MSRA: variants seen among roughly 807,000 people sequenced by gnomAD.
MSRA encodes the protein mitochondrial peptide methionine sulfoxide reductase.
Under a neutral mutation model 31.3 loss-of-function variants are expected in MSRA, and 54 were observed. The ratio of observed to expected loss-of-function variants is 1.73; its 90% CI spans 1.39 to 2.17. The LOEUF is 2.17. MSRA is among the 30% of genes most tolerant of loss of function. The pLI is 0.00. For missense variants in MSRA, 507 were observed against 300.9 expected (o/e 1.69, Z -5.07); for synonymous variants, 169 against 116.5 (o/e 1.45, Z -2.90).
intron 5 of MSRA, among the ~76,000 whole-genome samples, chr8:10,410,838 A>G (rs1208651887): frequency 1.3e-5 from 2 of 152,206 alleles, no homozygotes; most frequent in East Asian, 3.9e-4. Context: ...TTATATGCAA[A>G]TTTAAATTGT....
chr8:10,353,234 A>T (rs550283696), intron 5 of MSRA, among the ~76,000 whole-genome samples: 16 of 152,356 alleles, frequency 1.1e-4, no homozygotes, highest in African/African-American at 3.8e-4. Flanking sequence ...GCCTTCTGCA[A>T]ATAACCAATT....
In MSRA at chr8:10,105,894, A is replaced by G. The variant is rs183133750; in HGVS notation, c.142+51236A>G. On this transcript the variant is annotated intron_variant, in intron 1 of 5. Transcript: ENST00000317173. ...TTTGCAAAACAAAAGAACACACAGA[A>G]GATATAGAAACCAGGAGGACCAGGC... Among the ~76,000 whole-genome samples the G allele has an allele frequency of 8.2e-4, 125 of 152,352 alleles. 1 individual carries two copies. Among genetic ancestry groups the G allele is most frequent in the Admixed American group, 7.5e-3 (114 of 15,302 alleles).
At chr8:10,170,748 T>C (rs1219249223) in intron 1 of MSRA, among the ~76,000 whole-genome samples, 2 of 152,192 alleles carry the variant, frequency 1.3e-5, no homozygotes, top group East Asian at 3.9e-4. Context: ...CCTATGGGGT[T>C]TTGGAACCAA....
intron 5 of MSRA, among the ~76,000 whole-genome samples, chr8:10,330,895 T>G (rs565139701): frequency 1.3e-5 from 2 of 152,304 alleles, no homozygotes; most frequent in African/African-American, 4.8e-5. Flanking sequence ...TGTTGAAGCC[T>G]CTACCCCCAG....
At chr8:10,341,601 A>C (rs1006910389) in intron 5 of MSRA, among the ~76,000 whole-genome samples, 9 of 152,164 alleles carry the variant, frequency 5.9e-5, no homozygotes, top group African/African-American at 2.2e-4. Context: ...TGGACATCTC[A>C]AGGTAGTGGA....
chr8:10,116,823 C>T (rs994520148), intron 1 of MSRA, among the ~76,000 whole-genome samples: 3 of 152,060 alleles, frequency 2.0e-5, no homozygotes, highest in Admixed American at 6.6e-5. Flanking sequence ...CAAAAGTAGT[C>T]GGGCGTGGTG....
chr8:10,421,615 A>C (rs554600284), intron 5 of MSRA, among the ~76,000 whole-genome samples: 1 of 152,112 alleles, frequency 6.6e-6, no homozygotes, highest in South Asian at 2.1e-4. Flanking sequence ...TCACATGTTC[A>C]TTACATTTAT....
intron 3 of MSRA, among the ~76,000 whole-genome samples, chr8:10,253,437 T>C (rs1032897942): frequency 6.6e-6 from 1 of 152,194 alleles, no homozygotes. Context: ...CTGACAGACT[T>C]TAAGTAGTTA....
intron 1 of MSRA, among the ~76,000 whole-genome samples, chr8:10,080,119 T>C (rs939997632): frequency 2.0e-5 from 3 of 152,136 alleles, no homozygotes; most frequent in Non-Finnish European, 4.4e-5. Context: ...CTGTTCTTTT[T>C]CCCCTTGAGG....
intron 5 of MSRA, among the ~76,000 whole-genome samples, chr8:10,396,513 T>C (rs1283734725): frequency 6.6e-6 from 1 of 152,222 alleles, no homozygotes; most frequent in Non-Finnish European, 1.5e-5. Context: ...ACTTGGATTG[T>C]GATCCTGTGA....
At chr8:10,420,694 G>A (rs1223321907) in intron 5 of MSRA, among the ~76,000 whole-genome samples, 1 of 152,106 alleles carries the variant, frequency 6.6e-6, no homozygotes, top group African/African-American at 2.4e-5. Flanking sequence ...ATGTACAAGT[G>A]CTTTTCATGC....
chr8:10,187,555 C>G (rs780860259), intron 1 of MSRA, among the ~76,000 whole-genome samples: 1 of 152,148 alleles, frequency 6.6e-6, no homozygotes, highest in African/African-American at 2.4e-5. Flanking sequence ...TGACTTAATA[C>G]ATTTCTCAAC....
At chr8:10,385,411 T>G (rs1317628754) in intron 5 of MSRA, among the ~76,000 whole-genome samples, 3 of 152,204 alleles carry the variant, frequency 2.0e-5, no homozygotes, top group Admixed American at 1.3e-4. Flanking sequence ...GAGTAGAGTT[T>G]AGTCAAAGTG....
intron 5 of MSRA, among the ~76,000 whole-genome samples, chr8:10,342,315 C>T (rs1585528752): frequency 6.6e-6 from 1 of 152,208 alleles, no homozygotes; most frequent in East Asian, 1.9e-4. Context: ...AAAATTAAAA[C>T]TGAGAAATTA....
In MSRA at chr8:10,190,951, G is replaced by C. The variant is rs1239833700; in HGVS notation, c.143-16882G>C. ...TAAGTTCAGGAGTCAGTAAACTAGG[G>C]CCATGACTGGTCGATCAGCTTCAGC... On this transcript the variant is annotated intron_variant, in intron 1 of 5. Transcript: ENST00000317173. 5.3e-5 allele frequency among the ~76,000 whole-genome samples: 8 copies of C among 152,164 alleles called. 1 individual carries two copies. Among genetic ancestry groups the C allele is most frequent in the Non-Finnish European group, 8.8e-5 (6 of 68,026 alleles).
chr8:10,264,919 T>A (rs1300512784), intron 3 of MSRA, among the ~76,000 whole-genome samples: 1 of 151,992 alleles, frequency 6.6e-6, no homozygotes, highest in Non-Finnish European at 1.5e-5. Flanking sequence ...CTCTATGCGA[T>A]GAGAAGCTTG....
intron 1 of MSRA, among the ~76,000 whole-genome samples, chr8:10,175,791 G>T (rs1444415100): frequency 6.6e-6 from 1 of 152,144 alleles, no homozygotes; most frequent in African/African-American, 2.4e-5. Flanking sequence ...TGATGCCAAG[G>T]GGGCATTTTA....
chr8:10,170,166 G>C (rs1033884105), intron 1 of MSRA, among the ~76,000 whole-genome samples: 10 of 150,816 alleles, frequency 6.6e-5, no homozygotes, highest in Admixed American at 6.0e-4. Context: ...GATTACAGAC[G>C]TGAGCCACTG....
At chr8:10,424,998 G>A (rs1038049248) in intron 5 of MSRA, among the ~76,000 whole-genome samples, 1 of 152,250 alleles carries the variant, frequency 6.6e-6, no homozygotes, top group Non-Finnish European at 1.5e-5. Context: ...CAGAATGCAT[G>A]GAGTTGTCCG....
Sources: gnomAD v4.1 joint callset for allele counts (sites outside exome capture counted in the v4.1 genomes callset) on GRCh38, gnomAD v4.1.1 for gene constraint, MANE v1.5 for transcripts, NCBI Gene and HGNC (gene_info 2026-07-23, HGNC 2026-07-21) for gene names.